STK24: variants seen among roughly 807,000 people sequenced by gnomAD.
The protein encoded by STK24 is serine/threonine kinase 24.
In STK24, 21 loss-of-function variants were observed where a neutral mutation model predicts 55.6. That is an observed-to-expected ratio of 0.38 (90% CI 0.27 to 0.54). The LOEUF (loss-of-function observed/expected upper bound fraction) is 0.54, where lower values mean the gene tolerates loss of function less well. Ranked by LOEUF, STK24 falls within the 20% of genes least tolerant of loss-of-function variation. The probability of loss-of-function intolerance (pLI) is 0.79; values close to 1 mark genes in which losing one functional copy is unlikely to be tolerated. For synonymous variants in STK24, 200 were observed against 215.2 expected (o/e 0.93, Z 0.62); for missense variants, 383 against 538.4 (o/e 0.71, Z 2.86).
At chr13:98,528,307 C>A (rs1400020847) in intron 1 of STK24, among the ~76,000 whole-genome samples, 1 of 152,210 alleles carries the variant, frequency 6.6e-6, no homozygotes, top group Non-Finnish European at 1.5e-5. Flanking sequence ...GATTTACAGA[C>A]TGATTCTGCG....
intron 2 of STK24, among the ~76,000 whole-genome samples, chr13:98,509,660 C>T (rs1020852630): frequency 6.6e-6 from 1 of 152,168 alleles, no homozygotes; most frequent in Non-Finnish European, 1.5e-5. Flanking sequence ...TAGACCACAC[C>T]CAAAAGGCCC....
At chr13:98,528,987 C>T (rs1036773709) in intron 1 of STK24, among the ~76,000 whole-genome samples, 4 of 152,138 alleles carry the variant, frequency 2.6e-5, no homozygotes, top group African/African-American at 4.8e-5. Flanking sequence ...TCTAATGAAT[C>T]ACAAACACTC....
intron 1 of STK24, among the ~76,000 whole-genome samples, chr13:98,551,953 G>A (rs1228680645): frequency 1.3e-5 from 2 of 152,088 alleles, no homozygotes; most frequent in African/African-American, 2.4e-5. Context: ...TTAGAGGTTC[G>A]TGACATTGCT....
chr13:98,485,592 TC>T (rs1894774199), intron 2 of STK24, among the ~76,000 whole-genome samples: 1 of 152,152 alleles, frequency 6.6e-6, no homozygotes, highest in African/African-American at 2.4e-5. Context: ...AGCAATCTAG[TC>T]CCCAGGCAAG....
At chr13:98,481,448 G>A (rs1456423134) in intron 3 of STK24, among the ~76,000 whole-genome samples, 2 of 152,210 alleles carry the variant, frequency 1.3e-5, no homozygotes, top group Non-Finnish European at 2.9e-5. Context: ...GGGAGCGCTG[G>A]CAAGCAGGGA....
intron 1 of STK24, among the ~76,000 whole-genome samples, chr13:98,545,954 A>G (rs141564299): frequency 6.6e-6 from 1 of 152,372 alleles, no homozygotes; most frequent in East Asian, 1.9e-4. Context: ...AAGCTAAAAA[A>G]AACATGAAAG....
At chr13:98,493,688 T>C (rs1464263739) in intron 2 of STK24, among the ~76,000 whole-genome samples, 2 of 152,070 alleles carry the variant, frequency 1.3e-5, no homozygotes, top group African/African-American at 2.4e-5. Flanking sequence ...ATATGTAACA[T>C]GTTACAAATA....
chr13:98,538,100 G>T (rs1171455209), intron 1 of STK24, among the ~76,000 whole-genome samples: 2 of 152,058 alleles, frequency 1.3e-5, no homozygotes, highest in African/African-American at 4.8e-5. Context: ...CTAATCCACA[G>T]GGATGTCAAC....
chr13:98,505,350 C>T (rs1440828803), intron 2 of STK24, among the ~76,000 whole-genome samples: 1 of 152,254 alleles, frequency 6.6e-6, no homozygotes, highest in Non-Finnish European at 1.5e-5. Context: ...CACCTCATCA[C>T]ACTTGTTGGA....
intron 10 of STK24, chr13:98,455,246 T>C (rs187083736): frequency 9.8e-5 from 15 of 152,366 alleles, no homozygotes; most frequent in African/African-American, 3.6e-4. Context: ...TGTAAAATTC[T>C]CTTTTTGTTT....
chr13:98,482,291 GATATTCC>G lies in STK24; in HGVS notation c.297_303del (p.Met99IlefsTer8). 1.3e-6 allele frequency: 2 copies of G among 1,572,390 alleles called. No individual in the cohort carries two copies. The highest frequency in any genetic ancestry group is 1.7e-6 in the Non-Finnish European group (2 of 1,151,510). ...AGATCTAGTGCGGAGCCTCCACCAA[GATATTCC>G]ATTATTATCCATAATTTTGTATCCT... On this transcript the variant is annotated frameshift_variant, in exon 3 of 11. Transcript: ENST00000539966. LOFTEE classifies it high-confidence loss of function.
At chr13:98,538,930 C>CT (rs1436149600) in intron 1 of STK24, among the ~76,000 whole-genome samples, 1 of 152,228 alleles carries the variant, frequency 6.6e-6, no homozygotes, top group Non-Finnish European at 1.5e-5. Context: ...CCCTCGCCAC[C>CT]TGTCACAATT....
chr13:98,476,246 C>CCT (rs1438890730), intron 3 of STK24, among the ~76,000 whole-genome samples: 2 of 138,892 alleles, frequency 1.4e-5, no homozygotes, highest in Admixed American at 1.4e-4. Context: ...GGAAGCCCCC[C>CCT]CCCGCCCCCT....
At chr13:98,529,300 C>T (rs1324306221) in intron 1 of STK24, among the ~76,000 whole-genome samples, 4 of 152,170 alleles carry the variant, frequency 2.6e-5, no homozygotes, top group South Asian at 2.1e-4. Context: ...TCTTCCGAAG[C>T]GTCTCTCCAT....
intron 1 of STK24, among the ~76,000 whole-genome samples, chr13:98,566,100 C>G (rs901931461): frequency 4.6e-5 from 7 of 152,238 alleles, no homozygotes; most frequent in Non-Finnish European, 1.0e-4. Flanking sequence ...ACACCGCCAG[C>G]TGCCCACCTT....
intron 1 of STK24, among the ~76,000 whole-genome samples, chr13:98,556,898 T>A (rs571005896): frequency 6.6e-6 from 1 of 152,128 alleles, no homozygotes; most frequent in Admixed American, 6.5e-5. Context: ...AGACACATGA[T>A]TTGTCTAATA....
At chr13:98,463,586 A>T (rs925977571) in intron 7 of STK24, 105 bp downstream of exon 7, 193 of 346,072 alleles carry the variant, frequency 5.6e-4, no homozygotes, top group Non-Finnish European at 6.7e-4. Flanking sequence ...GGATTGTCTA[A>T]AAAAAAAAAA....
At chr13:98,490,382 C>T (rs1037336760) in intron 2 of STK24, among the ~76,000 whole-genome samples, 1 of 152,120 alleles carries the variant, frequency 6.6e-6, no homozygotes, top group African/African-American at 2.4e-5. Flanking sequence ...ATGCAAGCCA[C>T]CCTAGGTAAA....
intron 1 of STK24, 60 bp downstream of exon 1, chr13:98,576,685 G>A: frequency 2.9e-6 from 4 of 1,391,506 alleles, no homozygotes; most frequent in Admixed American, 2.4e-5. Flanking sequence ...TGTGGATACC[G>A]CCAAGTTGCT....
Sources: gnomAD v4.1 joint callset for allele counts (sites outside exome capture counted in the v4.1 genomes callset) on GRCh38, gnomAD v4.1.1 for gene constraint, MANE v1.5 for transcripts, NCBI Gene and HGNC (gene_info 2026-07-23, HGNC 2026-07-21) for gene names.